Variants in ANKS1A observed in about 807,000 individuals in gnomAD.
ANKS1A encodes the protein ankyrin repeat and sterile alpha motif domain containing 1A, also known as ankyrin repeat and SAM domain-containing protein 1A.
In ANKS1A, 55 loss-of-function variants were observed where a neutral mutation model predicts 120.3. The ratio of observed to expected loss-of-function variants is 0.46; its 90% CI spans 0.37 to 0.57. The LOEUF (loss-of-function observed/expected upper bound fraction) is 0.57, where lower values mean the gene tolerates loss of function less well. Among genes scored for constraint, ANKS1A ranks in the 20% least tolerant of loss-of-function variants. ANKS1A has a pLI of 0.00. For missense variants in ANKS1A, 1,123 were observed against 1,480.3 expected (o/e 0.76, Z 3.96); for synonymous variants, 590 against 604.7 (o/e 0.98, Z 0.36).
intron 11 of ANKS1A, among the ~76,000 whole-genome samples, chr6:35,031,997 C>G (rs1197551850): frequency 6.6e-6 from 1 of 152,166 alleles, no homozygotes; most frequent in African/African-American, 2.4e-5. Flanking sequence ...GTCACTCATT[C>G]ACCACACTGA....
At chr6:35,095,869 A>T (rs1010139148), downstream of ANKS1A, among the ~76,000 whole-genome samples, 8 of 152,242 alleles carry the variant, frequency 5.3e-5, no homozygotes, top group African/African-American at 1.9e-4. Flanking sequence ...GTAGCCAAGG[A>T]TAATTATCTC....
chr6:35,038,645 C>CTGTTTT (rs1407073255), intron 11 of ANKS1A, among the ~76,000 whole-genome samples: 12 of 152,002 alleles, frequency 7.9e-5, no homozygotes, highest in African/African-American at 2.9e-4. Flanking sequence ...CCATGCGCGG[C>CTGTTTT]TGTTTTTGTT....
chr6:34,947,142 C>CTTTTT (rs71002514), intron 1 of ANKS1A, among the ~76,000 whole-genome samples: 9 of 101,986 alleles, frequency 8.8e-5, no homozygotes, highest in African/African-American at 1.8e-4. Flanking sequence ...ATAGTAGACT[C>CTTTTT]TTTTTTTTTT....
intron 1 of ANKS1A, among the ~76,000 whole-genome samples, chr6:34,893,109 T>A (rs1766903977): frequency 6.6e-6 from 1 of 152,214 alleles, no homozygotes; most frequent in Non-Finnish European, 1.5e-5. Context: ...ACCACTTTGA[T>A]ACTCAATTTC....
At chr6:35,024,435 T>C (rs182488106) in intron 11 of ANKS1A, among the ~76,000 whole-genome samples, 339 of 152,364 alleles carry the variant, frequency 2.2e-3, no homozygotes, top group South Asian at 4.3e-3. Flanking sequence ...AGCATAAACA[T>C]TGGAGTCATT....
intron 3 of ANKS1A, among the ~76,000 whole-genome samples, chr6:34,980,961 G>A (rs1031448926): frequency 3.9e-5 from 6 of 152,182 alleles, no homozygotes; most frequent in African/African-American, 1.4e-4. Context: ...ACATGCCAGC[G>A]TTTGCCTCTT....
Position 35,058,690 on chromosome 6 carries a change from T to C in ANKS1A, c.2078-1457T>C, listed in dbSNP as rs1022701381. ...GAGTTCACTGGAGGTGATGTGTTTA[T>C]AGTTGGTTCTTCCTTTTCCTTCCTT... On this transcript the variant is annotated intron_variant, in intron 12 of 23. Transcript: ENST00000360359. The surrounding 1 kb of genome is among the most constrained non-coding windows in gnomAD (Gnocchi z 5.1). 2 of 152,356 alleles carry C rather than the reference T, an allele frequency of 1.3e-5. No homozygotes were observed. The highest frequency in any genetic ancestry group is 4.8e-5 in the African/African-American group (2 of 41,470). 9.4% of individuals were successfully genotyped at this position (152,356 alleles called of 1,614,324 possible).
chr6:34,905,654 T>C (rs1448181104), intron 1 of ANKS1A, among the ~76,000 whole-genome samples: 1 of 152,266 alleles, frequency 6.6e-6, no homozygotes, highest in African/African-American at 2.4e-5. Flanking sequence ...TTGTTTTGCT[T>C]GTGAATAACA....
At chr6:35,022,882 A>T (rs1774416703) in intron 11 of ANKS1A, among the ~76,000 whole-genome samples, 1 of 152,176 alleles carries the variant, frequency 6.6e-6, no homozygotes. Flanking sequence ...CATCAATAAG[A>T]CCTGGATTCA....
chr6:34,903,513 A>G (rs1767473547), intron 1 of ANKS1A, among the ~76,000 whole-genome samples: 2 of 149,498 alleles, frequency 1.3e-5, no homozygotes. Flanking sequence ...TGTTTTTTTA[A>G]ATTGAGACAG....
intron 11 of ANKS1A, among the ~76,000 whole-genome samples, chr6:35,049,557 G>T (rs138530434): frequency 6.6e-6 from 1 of 152,202 alleles, no homozygotes; most frequent in East Asian, 1.9e-4. Context: ...CCGCCCCGTG[G>T]CTCAGGCCTA....
chr6:34,983,101 G>C lies in ANKS1A; in HGVS notation c.809-12G>C. The C allele has an allele frequency of 6.2e-7, 1 of 1,612,632 alleles. No homozygotes were observed. Among genetic ancestry groups the C allele is most frequent in the East Asian group, 2.2e-5 (1 of 44,862 alleles). On this transcript the variant is annotated splice_polypyrimidine_tract_variant and intron_variant, in intron 5 of 23. Coordinates refer to ENST00000360359, the MANE Select transcript of ANKS1A (RefSeq NM_015245.3). ...TGCTCACTCCCCTGGTCCACCTGGTGTGCCTTTCTAGGAACTGACGTCAAC... is the reference window on the plus strand; with the variant it reads ...TGCTCACTCCCCTGGTCCACCTGGTCTGCCTTTCTAGGAACTGACGTCAAC...
intron 1 of ANKS1A, among the ~76,000 whole-genome samples, chr6:34,914,513 TAGTG>T (rs764754356): frequency 1.3e-5 from 2 of 152,104 alleles, no homozygotes; most frequent in Non-Finnish European, 2.9e-5. Context: ...GTTTGGAAGG[TAGTG>T]AGTAAGATAT....
rs559346234 is a variant in ANKS1A at position 34,942,285 on chromosome 6, A to G, written c.198-24954A>G. Among the ~76,000 whole-genome samples the G allele has an allele frequency of 2.0e-5, 3 of 152,332 alleles. No homozygotes were observed. The East Asian group carries it at 5.8e-4, about 29-fold the overall frequency. ...TACTTTACCAACTCTCTCTAGAACAACTGGTGAACTTGGCAGTGTATGACA... is the reference window on the plus strand; with the variant it reads ...TACTTTACCAACTCTCTCTAGAACAGCTGGTGAACTTGGCAGTGTATGACA... On this transcript the variant is annotated intron_variant, in intron 1 of 23. Coordinates refer to ENST00000360359, the MANE Select transcript of ANKS1A (RefSeq NM_015245.3).
chr6:34,958,932 G>C (rs976830908), intron 1 of ANKS1A, among the ~76,000 whole-genome samples: 3 of 152,128 alleles, frequency 2.0e-5, no homozygotes, highest in African/African-American at 7.2e-5. Flanking sequence ...TTGTTTACTG[G>C]TCTGACTTCC....
chr6:35,038,252 T>C (rs1317704849), intron 11 of ANKS1A: 1 of 456,690 alleles, frequency 2.2e-6, no homozygotes, highest in Non-Finnish European at 4.4e-6. Context: ...ATGCCTGGCC[T>C]CCTTGTGGGT....
intron 3 of ANKS1A, among the ~76,000 whole-genome samples, chr6:34,970,866 G>A (rs138841764): frequency 2.6e-3 from 401 of 151,990 alleles, no homozygotes; most frequent in African/African-American, 9.0e-3. Context: ...AAAAAAGGCC[G>A]GATGTGGTGG....
intron 11 of ANKS1A, among the ~76,000 whole-genome samples, chr6:35,036,934 G>A (rs1277721773): frequency 6.6e-6 from 1 of 152,226 alleles, no homozygotes; most frequent in Non-Finnish European, 1.5e-5. Flanking sequence ...CTCCTCAGGT[G>A]GTTCTCAGGC....
intron 11 of ANKS1A, chr6:35,023,482 C>T (rs999915574): frequency 3.6e-5 from 9 of 248,346 alleles, no homozygotes; most frequent in Non-Finnish European, 6.8e-5. Context: ...AGAAATTCAT[C>T]ATTTAACTGG....
Sources: allele counts gnomAD v4.1 joint callset (sites outside exome capture counted in the v4.1 genomes callset), GRCh38; gene constraint gnomAD v4.1.1; non-coding constraint Gnocchi (gnomAD v3.1); transcripts MANE v1.5; gene names NCBI Gene and HGNC (gene_info 2026-07-23, HGNC 2026-07-21).